CNTN5: variants seen among roughly 807,000 people sequenced by gnomAD.
The protein encoded by CNTN5 is contactin 5.
A neutral mutation model predicts 129.1 loss-of-function variants in CNTN5; 77 were observed. That is an observed-to-expected ratio of 0.60 (90% confidence interval 0.50 to 0.72). The LOEUF (loss-of-function observed/expected upper bound fraction) is 0.72, where lower values mean the gene tolerates loss of function less well. Ranked by LOEUF, CNTN5 falls within the 30% of genes least tolerant of loss-of-function variation. CNTN5 has a pLI of 0.00. For synonymous variants in CNTN5, 509 were observed against 465.6 expected, an observed-to-expected ratio of 1.09 and a Z score of -1.20; for missense variants, 1,478 against 1,328.8, an observed-to-expected ratio of 1.11 and a Z score of -1.75.
intron 18 of CNTN5, among the ~76,000 whole-genome samples, chr11:100,290,079 A>G (rs1224372409): frequency 1.3e-5 from 2 of 150,906 alleles, no homozygotes; most frequent in Admixed American, 6.6e-5. Context: ...AAGGAGAACT[A>G]CAAACCACTG....
intron 21 of CNTN5, among the ~76,000 whole-genome samples, chr11:100,329,662 C>G (rs1951862630): frequency 6.6e-6 from 1 of 152,336 alleles, no homozygotes; most frequent in Middle Eastern, 3.4e-3. Context: ...TCTTTGCAGA[C>G]AGCCTCCAAT....
chr11:100,107,459 T>C (rs1945482468), intron 13 of CNTN5, among the ~76,000 whole-genome samples: 1 of 151,798 alleles, frequency 6.6e-6, no homozygotes, highest in South Asian at 2.1e-4. Context: ...AATCACAGGC[T>C]TATTTCCAGA....
At chr11:100,237,327 C>A (rs1197134295) in intron 16 of CNTN5, among the ~76,000 whole-genome samples, 1 of 152,136 alleles carries the variant, frequency 6.6e-6, no homozygotes, top group Non-Finnish European at 1.5e-5. Flanking sequence ...AGTCTCTATT[C>A]CCCAATCGTA....
intron 1 of CNTN5, among the ~76,000 whole-genome samples, chr11:99,295,334 C>T (rs1864338171): frequency 6.6e-6 from 1 of 152,198 alleles, no homozygotes; most frequent in Non-Finnish European, 1.5e-5. Flanking sequence ...GTATCAATAG[C>T]TGCACAGGTA....
chr11:99,349,948 T>A (rs1442356950), intron 2 of CNTN5, among the ~76,000 whole-genome samples: 1 of 152,174 alleles, frequency 6.6e-6, no homozygotes, highest in Non-Finnish European at 1.5e-5. Flanking sequence ...GACGTGGACA[T>A]AGTGTTCTCA....
chr11:99,244,803 G>T (rs747688578), intron 1 of CNTN5, among the ~76,000 whole-genome samples: 9 of 152,220 alleles, frequency 5.9e-5, no homozygotes, highest in Admixed American at 1.3e-4. Flanking sequence ...TCACCACATG[G>T]TGACTCAATA....
At chr11:99,968,653 G>C (rs1198602597) in intron 8 of CNTN5, among the ~76,000 whole-genome samples, 1 of 115,026 alleles carries the variant, frequency 8.7e-6, no homozygotes, top group Non-Finnish European at 1.7e-5. Flanking sequence ...ATAGCTTTGG[G>C]TACTTTTTTT....
intron 15 of CNTN5, among the ~76,000 whole-genome samples, chr11:100,200,503 CATT>C (rs1435498567): frequency 1.3e-5 from 2 of 151,850 alleles, no homozygotes; most frequent in Non-Finnish European, 2.9e-5. Context: ...GGTCTCATAA[CATT>C]ATGTGTGCTA....
intron 3 of CNTN5, among the ~76,000 whole-genome samples, chr11:99,762,642 A>C (rs1944620855): frequency 6.6e-6 from 1 of 152,094 alleles, no homozygotes; most frequent in East Asian, 1.9e-4. Context: ...TTTTGGTACC[A>C]GTACCATGCT....
chr11:100,019,945 T>C (rs1253527218), intron 9 of CNTN5, among the ~76,000 whole-genome samples: 1 of 152,040 alleles, frequency 6.6e-6, no homozygotes, highest in African/African-American at 2.4e-5. Flanking sequence ...TACCTCTTTT[T>C]TTGAGAACTG....
chr11:99,120,635 A>G (rs1270907095), intron 1 of CNTN5: 1 of 152,164 alleles, frequency 6.6e-6, no homozygotes. Context: ...CCCATTGAAT[A>G]TCTATGTCCC....
At position 100,013,046 on chromosome 11, in the gene CNTN5, A is replaced by C. The variant is rs369369307; in HGVS notation, c.980+10910A>C. ...AGTTATGCCTTTTGCAGCAACATGT[A>C]CATAACTGAAAGCCATTATCCTGAG... On this transcript the variant is annotated intron_variant, in intron 9 of 24. Transcript: ENST00000524871. 2.6e-5 allele frequency among the ~76,000 whole-genome samples: 4 copies of C among 152,314 alleles called. No homozygotes were observed. In the East Asian group the frequency reaches 5.8e-4, roughly 22 times the overall value.
At chr11:99,166,007 A>C in intron 1 of CNTN5, among the ~76,000 whole-genome samples, 1 of 152,224 alleles carries the variant, frequency 6.6e-6, no homozygotes, top group Non-Finnish European at 1.5e-5. Context: ...ATCTTTGGGC[A>C]GCCAGTTCTT....
intron 8 of CNTN5, among the ~76,000 whole-genome samples, chr11:99,981,367 T>A (rs1591520117): frequency 6.6e-6 from 1 of 151,950 alleles, no homozygotes; most frequent in African/African-American, 2.4e-5. Flanking sequence ...AGCTCTGGTG[T>A]CCAAAGGCAG....
chr11:99,473,076 T>C (rs1426329275), intron 2 of CNTN5, among the ~76,000 whole-genome samples: 2 of 152,184 alleles, frequency 1.3e-5, no homozygotes, highest in Non-Finnish European at 2.9e-5. Context: ...AGAGTATACA[T>C]ATTTATTTTG....
intron 1 of CNTN5, among the ~76,000 whole-genome samples, chr11:99,319,709 A>G (rs1237016896): frequency 6.6e-6 from 1 of 152,184 alleles, no homozygotes; most frequent in Non-Finnish European, 1.5e-5. Flanking sequence ...ATTTATATAA[A>G]TTTAAAAACC....
chr11:100,284,753 A>G, intron 18 of CNTN5, among the ~76,000 whole-genome samples: 1 of 152,238 alleles, frequency 6.6e-6, no homozygotes, highest in Non-Finnish European at 1.5e-5. Flanking sequence ...ATAAAATTTC[A>G]ATTATCTTCA....
At chr11:99,973,889 AT>A (rs1937749609) in intron 8 of CNTN5, among the ~76,000 whole-genome samples, 1 of 152,188 alleles carries the variant, frequency 6.6e-6, no homozygotes, top group African/African-American at 2.4e-5. Flanking sequence ...CAAGACATTT[AT>A]TTCTTAACAA....
chr11:99,526,908 C>T (rs1947508483), intron 2 of CNTN5, among the ~76,000 whole-genome samples: 1 of 152,200 alleles, frequency 6.6e-6, no homozygotes, highest in South Asian at 2.1e-4. Flanking sequence ...TGATGTTTTA[C>T]TCAGAGAGAA....
Sources: gnomAD v4.1 joint callset for allele counts (sites outside exome capture counted in the v4.1 genomes callset) on GRCh38, gnomAD v4.1.1 for gene constraint, MANE v1.5 for transcripts, NCBI Gene and HGNC (gene_info 2026-07-23, HGNC 2026-07-21) for gene names.